The following CACNA1I variants were observed in gnomAD, a reference collection of about 807,000 sequenced individuals.
CACNA1I encodes calcium voltage-gated channel subunit alpha1 I, also known as voltage-dependent T-type calcium channel subunit alpha-1I.
CACNA1I carries 74 observed loss-of-function variants against 201.6 expected under a neutral mutation model. That is an observed-to-expected ratio of 0.37 (90% CI 0.30 to 0.45). CACNA1I has a LOEUF of 0.45. Ranked by LOEUF, CACNA1I falls within the 20% of genes least tolerant of loss-of-function variation. The probability of loss-of-function intolerance (pLI) is 1.00; values close to 1 mark genes in which losing one functional copy is unlikely to be tolerated. For synonymous variants in CACNA1I, 1,431 were observed against 1,345.2 expected (o/e 1.06, Z -1.40); for missense variants, 2,346 against 3,138.1 (o/e 0.75, Z 6.03).
At position 39,674,769 on chromosome 22, in the gene CACNA1I, G is replaced by A. The variant is rs117993294; in HGVS notation, c.4854+736G>A. ...ACATTTATTCATTATGACTCAACGAGTCATCAGGAAGTTTAGGTGCCTTAA... is the reference window on the plus strand; with the variant it reads ...ACATTTATTCATTATGACTCAACGAATCATCAGGAAGTTTAGGTGCCTTAA... On this transcript the variant is annotated intron_variant, in intron 29 of 36. Transcript: ENST00000402142. Among the ~76,000 whole-genome samples the A allele has an allele frequency of 1.8e-4, 28 of 152,010 alleles. No homozygotes were observed. The East Asian group carries it at 5.4e-3, about 29-fold the overall frequency.
At chr22:39,613,591 C>A (rs977487650) in intron 3 of CACNA1I, among the ~76,000 whole-genome samples, 1 of 152,218 alleles carries the variant, frequency 6.6e-6, no homozygotes, top group South Asian at 2.1e-4. Context: ...ACACAAGCAG[C>A]GAGCTGGGAT....
At position 39,570,851 on chromosome 22, in the gene CACNA1I, C is replaced by T. The variant is rs3747178; in HGVS notation, c.99C>T (p.Ser33=). Residue 33 remains serine, a synonymous_variant, in exon 1 of 37, where the codon TCC becomes TCT. Coordinates refer to ENST00000402142, the MANE Select transcript of CACNA1I (RefSeq NM_021096.4). ...TEQPGPRSPP[S]SPPGLEEPLD... is the part of the protein sequence containing the mutation. ...AGCCCGGACCCCGGAGCCCCCCATC[C>T]TCCCCGCCAGGCCTGGAGGAGCCTC... 496,580 of 1,613,156 alleles carry T rather than the reference C, an allele frequency of 0.31. 83,656 individuals are homozygous for T. Among genetic ancestry groups the T allele is most frequent in the East Asian group, 0.74 (33,279 of 44,854 alleles).
At position 39,629,222 on chromosome 22, in the gene CACNA1I, G is replaced by T. The variant is rs533819084; in HGVS notation, c.581-5343G>T. Among the ~76,000 whole-genome samples the T allele has an allele frequency of 6.6e-6, 1 of 152,012 alleles. No individual in the cohort carries two copies. The highest frequency in any genetic ancestry group is 1.5e-5 in the Non-Finnish European group (1 of 67,994). On this transcript the variant is annotated intron_variant, in intron 4 of 36. Coordinates refer to ENST00000402142, the MANE Select transcript of CACNA1I (RefSeq NM_021096.4). The surrounding 1 kb of genome is among the most constrained non-coding windows in gnomAD (Gnocchi z 4.8). ...CCCTGGTGCTCCACATGACGCTCCC[G>T]GGCCAGACTGTTCTCCCCTGAACTC... is the stretch of plus-strand genomic sequence containing the variant.
chr22:39,624,939 A>G (rs1016534425), intron 4 of CACNA1I, among the ~76,000 whole-genome samples: 27 of 125,948 alleles, frequency 2.1e-4, no homozygotes, highest in Non-Finnish European at 4.0e-4. Flanking sequence ...GACAGCATCT[A>G]GCCCTGTCAC....
intron 2 of CACNA1I, among the ~76,000 whole-genome samples, 185 bp downstream of exon 2, chr22:39,598,447 C>G (rs1172308453): frequency 6.6e-6 from 1 of 151,862 alleles, no homozygotes; most frequent in East Asian, 1.9e-4. Context: ...CAGCCACCAC[C>G]AGCCGCACTC....
intron 25 of CACNA1I, 59 bp from the exon 26 acceptor site, chr22:39,670,744 C>T: frequency 6.4e-7 from 1 of 1,553,602 alleles, no homozygotes; most frequent in Non-Finnish European, 8.9e-7. Flanking sequence ...GTGCTCTGTG[C>T]CCTTTCCCTT....
chr22:39,684,680 G>A lies in CACNA1I; in HGVS notation c.6027+182G>A, dbSNP rs1024438536. The A allele has an allele frequency of 1.5e-6, 1 of 682,578 alleles. No individual in the cohort carries two copies. The highest frequency in any genetic ancestry group is 2.5e-6 in the Non-Finnish European group (1 of 399,090). 42.3% of individuals were successfully genotyped at this position (682,578 alleles called of 1,614,324 possible). A position where few individuals can be genotyped will look rare whatever the true frequency, so the allele number is the denominator to read the frequency against. ...AGACTGGAGGGGGAGGTGGCACTGG[G>A]GCGGATGGAGTGGGCGGGGCTGGGT... On this transcript the variant is annotated intron_variant, in intron 36 of 36. Coordinates refer to ENST00000402142, the MANE Select transcript of CACNA1I (RefSeq NM_021096.4). This position sits in a 1 kb window ranked among gnomAD's most constrained non-coding sequence, Gnocchi z 4.6.
chr22:39,681,336 G>T (rs761468867), intron 34 of CACNA1I, among the ~76,000 whole-genome samples: 2 of 152,206 alleles, frequency 1.3e-5, no homozygotes, highest in Non-Finnish European at 2.9e-5. Context: ...TTCCACGGGG[G>T]GTCATCCCTG....
chr22:39,587,979 T>C (rs1462593005), intron 1 of CACNA1I, among the ~76,000 whole-genome samples: 2 of 152,122 alleles, frequency 1.3e-5, no homozygotes, highest in African/African-American at 4.8e-5. Flanking sequence ...TTTCACCATA[T>C]TGGCCAGGCT....
rs1371409687 is a variant in CACNA1I, at chr22:39,662,057, G to A, written c.2994G>A (p.Pro998=). The change falls in exon 17 of 37, where the codon CCG becomes CCA. Residue 998 remains proline (P), a synonymous_variant. Transcript: ENST00000402142. ...RSSWNSLKHK[P]PSAEHESLLS... ...GCTGGAACAGCCTCAAGCACAAGCC[G>A]CCGTCGGCGGAGCATGAGTCCCTGC... 1.3e-6 allele frequency: 2 copies of A among 1,555,678 alleles called. No individual in the cohort carries two copies. The highest frequency in any genetic ancestry group is 1.7e-6 in the Non-Finnish European group (2 of 1,155,102).
Position 39,598,261 on chromosome 22 carries a change from A to C in CACNA1I, c.347A>C (p.Gln116Pro). 5.7e-6 allele frequency: 9 copies of C among 1,567,130 alleles called. No individual in the cohort carries two copies. Among genetic ancestry groups the C allele is most frequent in the Non-Finnish European group, 7.8e-6 (9 of 1,155,902 alleles). The change falls in exon 2 of 37, where the codon CAG (glutamine) becomes CCG (proline). Residue 116 changes from glutamine to proline, a missense_variant and splice_region_variant. This residue lies in a region of CACNA1I where 130 missense variants were observed against 160.7 expected (regional missense o/e 0.81). Transcript: ENST00000402142. The part of the protein sequence containing the change: ...DCLSDRCKIL[Q>P]VFDDFIFIFF... ...CTGTCCGACCGCTGCAAGATCCTGCAGGTGAGCCGGCCGCCCCGCCCCGCC... is the reference window on the plus strand; with the variant it reads ...CTGTCCGACCGCTGCAAGATCCTGCCGGTGAGCCGGCCGCCCCGCCCCGCC...
At chr22:39,630,373 A>T (rs908108279) in intron 4 of CACNA1I, among the ~76,000 whole-genome samples, 6 of 152,230 alleles carry the variant, frequency 3.9e-5, no homozygotes, top group African/African-American at 1.2e-4. Context: ...CTGGGATGTG[A>T]GCCTCACGAG....
chr22:39,678,303 A>G (rs142151189), intron 31 of CACNA1I, among the ~76,000 whole-genome samples, 195 bp downstream of exon 31: 1 of 152,312 alleles, frequency 6.6e-6, no homozygotes, highest in East Asian at 1.9e-4. Context: ...CCCCCTGTCT[A>G]CACTGCCTCA....
intron 1 of CACNA1I, among the ~76,000 whole-genome samples, chr22:39,577,485 C>T (rs1487469993): frequency 1.3e-5 from 2 of 152,248 alleles, no homozygotes; most frequent in African/African-American, 2.4e-5. Context: ...CAGTCTTGTG[C>T]TGCGCGTGAC....
intron 7 of CACNA1I, among the ~76,000 whole-genome samples, chr22:39,644,237 G>A (rs1011631891): frequency 6.6e-6 from 1 of 152,188 alleles, no homozygotes; most frequent in Non-Finnish European, 1.5e-5. Flanking sequence ...GGGAGGGGCT[G>A]GAGGATGCTC....
Position 39,663,654 on chromosome 22 carries a change from G to A in CACNA1I, c.3474-64G>A, listed in dbSNP as rs1368122005. 1.1e-5 allele frequency: 17 copies of A among 1,600,190 alleles called. No individual in the cohort carries two copies. The African/African-American group carries it at 2.0e-4, about 19-fold the overall frequency. On this transcript the variant is annotated intron_variant, in intron 18 of 36. Coordinates refer to ENST00000402142, the MANE Select transcript of CACNA1I (RefSeq NM_021096.4). Reference sequence around the variant, plus strand: ...GTCTGCACTGCTGCCTGGGCCCTCTGCCTTCCTTCTGGCCAGGGTGGGAGG... The same window carrying A: ...GTCTGCACTGCTGCCTGGGCCCTCTACCTTCCTTCTGGCCAGGGTGGGAGG...
Position 39,670,194 on chromosome 22 carries a change from G to A in CACNA1I, c.4351G>A (p.Glu1451Lys), listed in dbSNP as rs1301627790. Residue 1451 changes from glutamate (E) to lysine (K), a missense_variant, in exon 25 of 37, where the codon GAG becomes AAG. Around this residue, in one of 13 missense-constraint regions of CACNA1I, gnomAD observed 228 missense variants for 395.7 expected, o/e 0.58. Transcript: ENST00000402142. ...QEAEEARRRE[E>K]KRLRRLEKKR... ...GGCTGAAGAGGCACGGCGGCGTGAG[G>A]AGAAGCGGCTGCGGCGCCTGGAGAA... 1.2e-6 allele frequency: 2 copies of A among 1,613,742 alleles called. No homozygotes were observed. The highest frequency in any genetic ancestry group is 1.7e-6 in the Non-Finnish European group (2 of 1,179,870).
Position 39,619,345 on chromosome 22 carries a change from A to G in CACNA1I, c.518A>G (p.Asn173Ser). The change falls in exon 4 of 37, where the codon AAC (asparagine) becomes AGC (serine). Residue 173 changes from asparagine to serine, a missense_variant. Asn to Ser is a conservative substitution (Grantham distance 46). Transcript: ENST00000402142. Reference sequence around the variant, plus strand: ...TACTCCCTGGACCTTCAGAACATCAACCTGTCAGCCATCCGCACCGTGCGC... The same window carrying G: ...TACTCCCTGGACCTTCAGAACATCAGCCTGTCAGCCATCCGCACCGTGCGC... ...VEYSLDLQNI[N>S]LSAIRTVRVL... The G allele has an allele frequency of 1.9e-6, 3 of 1,610,000 alleles. No individual in the cohort carries two copies. The highest frequency in any genetic ancestry group is 2.5e-6 in the Non-Finnish European group (3 of 1,179,804).
chr22:39,664,270 G>A (rs1935114101), intron 20 of CACNA1I, 111 bp downstream of exon 20: 2 of 888,946 alleles, frequency 2.2e-6, no homozygotes, highest in South Asian at 1.5e-5. Context: ...CATTTCACTC[G>A]TAGCCCCATG....
Sources: allele counts gnomAD v4.1 joint callset (sites outside exome capture counted in the v4.1 genomes callset), GRCh38; gene constraint gnomAD v4.1.1; regional missense constraint gnomAD v4.1.1; non-coding constraint Gnocchi (gnomAD v3.1); transcripts MANE v1.5; gene names NCBI Gene and HGNC (gene_info 2026-07-23, HGNC 2026-07-21).